LIFR: variants seen among roughly 807,000 people sequenced by gnomAD.
LIFR encodes the protein LIF receptor subunit alpha.
LIFR carries 84 observed loss-of-function variants against 122.2 expected under a neutral mutation model. That is an observed-to-expected ratio of 0.69 (90% CI 0.58 to 0.82). The LOEUF is 0.82. Ranked by LOEUF, LIFR falls within the 40% of genes least tolerant of loss-of-function variation. The pLI, the probability that LIFR is intolerant of heterozygous loss-of-function variation, is 0.00. For synonymous variants in LIFR, 422 were observed against 434.7 expected (o/e 0.97, Z 0.36); for missense variants, 1,294 against 1,311.6 (o/e 0.99, Z 0.21).
At chr5:38,566,560 A>C (rs1192874643) in intron 1 of LIFR, among the ~76,000 whole-genome samples, 1 of 152,198 alleles carries the variant, frequency 6.6e-6, no homozygotes, top group Non-Finnish European at 1.5e-5. Flanking sequence ...GAAAAAGGAG[A>C]CTTTCTAATC....
At chr5:38,485,765 T>C in intron 17 of LIFR, 54 bp downstream of exon 17, 1 of 1,596,334 alleles carries the variant, frequency 6.3e-7, no homozygotes, top group Non-Finnish European at 8.6e-7. Context: ...CAAGAATCAC[T>C]AGAACACTAC....
intron 1 of LIFR, among the ~76,000 whole-genome samples, chr5:38,546,336 C>A (rs1747892738): frequency 1.3e-5 from 2 of 151,948 alleles, no homozygotes; most frequent in Admixed American, 1.3e-4. Context: ...AAAAGATGGG[C>A]AAAGAAATGT....
chr5:38,566,884 T>A lies in LIFR; in HGVS notation c.-20+28377A>T, dbSNP rs1325447507. 2.0e-5 allele frequency among the ~76,000 whole-genome samples: 3 copies of A among 152,200 alleles called. 1 individual carries two copies. Among genetic ancestry groups the A allele is most frequent in the African/African-American group, 7.2e-5 (3 of 41,454 alleles). On this transcript the variant is annotated intron_variant, in intron 1 of 19. Transcript: ENST00000263409. ...TTCTAAAAAAAAAGAAGAAAATCCT[T>A]GATTTGTAGCATTTGACATTTTCCA...
At position 38,476,667 on chromosome 5, in the gene LIFR, C is replaced by CAA. The variant is rs764162435; in HGVS notation, c.*4926_*4927dup. The CAA allele has an allele frequency of 1.0e-4, 19 of 183,974 alleles. No homozygotes were observed. The highest frequency in any genetic ancestry group is 1.9e-4 in the Admixed American group (3 of 15,544). 11.4% of individuals were successfully genotyped at this position (183,974 alleles called of 1,614,324 possible). A position where few individuals can be genotyped will look rare whatever the true frequency, so the allele number is the denominator to read the frequency against. ...TTTTAGGGTATTCAGTCCCAGCAACCAAAAAAAAAAATGTAAATCATATTT... is the reference window on the plus strand; with the variant it reads ...TTTTAGGGTATTCAGTCCCAGCAACCAAAAAAAAAAAAATGTAAATCATATTT... On this transcript the variant is annotated 3_prime_UTR_variant, in exon 20 of 20. Transcript: ENST00000453190.
intron 1 of LIFR, chr5:38,550,095 G>A (rs531683218): frequency 3.8e-4 from 61 of 162,168 alleles, no homozygotes; most frequent in Non-Finnish European, 6.1e-4. Flanking sequence ...GCCTGACTAA[G>A]GGACGGGGCA....
At chr5:38,510,090 T>TA (rs754945745) in intron 7 of LIFR, among the ~76,000 whole-genome samples, 1 of 152,176 alleles carries the variant, frequency 6.6e-6, no homozygotes, top group Non-Finnish European at 1.5e-5. Flanking sequence ...TTAGATACTT[T>TA]AAAAAAGGTA....
rs1299060827 is a variant in LIFR at position 38,528,778 on chromosome 5, C to T, written c.205G>A (p.Ala69Thr). The T allele has an allele frequency of 3.8e-6, 6 of 1,598,422 alleles. No individual in the cohort carries two copies. Among genetic ancestry groups the T allele is most frequent in the Non-Finnish European group, 5.1e-6 (6 of 1,171,244 alleles). ...GTACCACGGCCTGTTCCAGAGGGTG[C>T]TTTCCAAGAACAGTTCCACACTTGC... is the stretch of plus-strand genomic sequence containing the variant. Reference protein sequence around the residue: ...NLQVWNCSWKAPSGTGRGTDY... With the variant: ...NLQVWNCSWKTPSGTGRGTDY... The change falls in exon 3 of 20, where the codon GCA (alanine) becomes ACA (threonine). Residue 69 changes from alanine (A) to threonine (T), a missense_variant. Coordinates refer to ENST00000453190, the MANE Select transcript of LIFR (RefSeq NM_001127671.2).
intron 15 of LIFR, among the ~76,000 whole-genome samples, chr5:38,489,913 T>C (rs779481687): frequency 7.1e-6 from 1 of 140,788 alleles, no homozygotes; most frequent in African/African-American, 2.7e-5. Flanking sequence ...GAGGATCACC[T>C]GAGCCCAGGA....
chr5:38,547,393 G>A (rs984223938), intron 1 of LIFR, among the ~76,000 whole-genome samples: 2 of 152,152 alleles, frequency 1.3e-5, no homozygotes, highest in Non-Finnish European at 2.9e-5. Context: ...AAGTAAAATG[G>A]TGACTTTGCT....
chr5:38,550,349 C>A (rs758991396), intron 1 of LIFR: 1 of 408,988 alleles, frequency 2.4e-6, no homozygotes, highest in South Asian at 1.0e-4. Flanking sequence ...TTTAAAGCAT[C>A]TGTTTTCAAA....
rs79724989 is a variant in LIFR at position 38,580,666 on chromosome 5, T to C, written c.-20+14595A>G. ...CCTCACATCTGCCTCAAAATTAATG[T>C]ATCCCAAGCAAAACTCGTCATTTTC... On this transcript the variant is annotated intron_variant, in intron 1 of 19. Transcript: ENST00000263409. Among the ~76,000 whole-genome samples, 1,030 of 152,290 alleles carry C rather than the reference T, an allele frequency of 6.8e-3. 14 individuals carry two copies. The highest frequency in any genetic ancestry group is 0.024 in the African/African-American group (989 of 41,542).
At position 38,571,301 on chromosome 5, in the gene LIFR, C is replaced by T. The variant is rs377750650; in HGVS notation, c.-20+23960G>A. Among the ~76,000 whole-genome samples, 15 of 152,218 alleles carry T rather than the reference C, an allele frequency of 9.9e-5. No individual in the cohort carries two copies. In the East Asian group the frequency reaches 1.2e-3, roughly 12 times the overall value. On this transcript the variant is annotated intron_variant, in intron 1 of 19. Coordinates refer to the LIFR transcript ENST00000263409. Reference sequence around the variant, plus strand: ...GCACAGTGGCTCATGCCTGTAAGCCCAGCACTTTGGGAGGCTGAGGCGGGC... The same window carrying T: ...GCACAGTGGCTCATGCCTGTAAGCCTAGCACTTTGGGAGGCTGAGGCGGGC...
In LIFR at chr5:38,488,956, C is replaced by CTT. The variant is rs1289974788; in HGVS notation, c.2335+121_2335+122insAA. 6 of 760,156 alleles carry CTT rather than the reference C, an allele frequency of 7.9e-6. No individual in the cohort carries two copies. The Admixed American group carries it at 1.5e-4, about 19-fold the overall frequency. The allele number at this position is 760,156 out of a possible 1,614,324, so 47.1% of individuals were successfully genotyped here. On this transcript the variant is annotated intron_variant, in intron 16 of 19. Coordinates refer to ENST00000453190, the MANE Select transcript of LIFR (RefSeq NM_001127671.2). Reference sequence around the variant, plus strand: ...ATAGAATTACTGCCTTTTCATTTCTCTATCTTTCAGATAGTTTTGAAAACC... The same window carrying CTT: ...ATAGAATTACTGCCTTTTCATTTCTCTTTATCTTTCAGATAGTTTTGAAAACC...
Position 38,485,846 on chromosome 5 carries a change from T to C in LIFR, c.2470A>G (p.Ser824Gly). The C allele has an allele frequency of 6.2e-7, 1 of 1,614,062 alleles. No homozygotes were observed. Among genetic ancestry groups the C allele is most frequent in the Non-Finnish European group, 8.5e-7 (1 of 1,179,994 alleles). Reference protein sequence around the residue: ...YTDGGVGPEKSMYVVTKENSV... With the variant: ...YTDGGVGPEKGMYVVTKENSV... The stretch of plus-strand genomic sequence containing the variant: ...TTTTCCTTTGTCACCACATACATAC[T>C]CTTCTCCGGGCCCACTCCACCATCT... Residue 824 changes from serine to glycine, a missense_variant, in exon 17 of 20, where the codon AGT becomes GGT. By Grantham distance (56) the Ser-to-Gly change is moderately conservative (BLOSUM62 0). Coordinates refer to ENST00000453190, the MANE Select transcript of LIFR (RefSeq NM_001127671.2).
intron 5 of LIFR, among the ~76,000 whole-genome samples, chr5:38,517,752 G>A (rs1057377040): frequency 6.7e-6 from 1 of 149,204 alleles, no homozygotes; most frequent in African/African-American, 2.5e-5. Flanking sequence ...AGCTACTGGG[G>A]AGGCTGAAGC....
At position 38,475,018 on chromosome 5, in the gene LIFR, T is replaced by TA. The variant is rs1352491312; in HGVS notation, c.*6576dup. ...CATGACAATACTATGATAAAATTGT[T>TA]AAATACATGCATGTTTTAAAAACAG... On this transcript the variant is annotated 3_prime_UTR_variant, in exon 20 of 20. Transcript: ENST00000453190. 1 of 172,652 alleles carries TA rather than the reference T, an allele frequency of 5.8e-6. No individual in the cohort carries two copies. The highest frequency in any genetic ancestry group is 1.3e-5 in the Non-Finnish European group (1 of 79,818). The allele number at this position is 172,652 out of a possible 1,614,324, so 10.7% of individuals were successfully genotyped here.
At chr5:38,588,839 T>C (rs1749831062) in intron 1 of LIFR, among the ~76,000 whole-genome samples, 1 of 152,130 alleles carries the variant, frequency 6.6e-6, no homozygotes, top group Admixed American at 6.5e-5. Flanking sequence ...CTCTAGAAAG[T>C]GTATGAAACA....
At chr5:38,489,490 A>G (rs566949269) in intron 15 of LIFR, among the ~76,000 whole-genome samples, 4 of 152,332 alleles carry the variant, frequency 2.6e-5, no homozygotes, top group South Asian at 4.1e-4. Flanking sequence ...AGACAAACAC[A>G]TATCTAGGGA....
chr5:38,560,983 G>T (rs1466377711), upstream of LIFR, among the ~76,000 whole-genome samples: 1 of 152,126 alleles, frequency 6.6e-6, no homozygotes, highest in East Asian at 1.9e-4. Context: ...TTTTAAAAAA[G>T]AAAAGTTGAA....
Sources: gnomAD v4.1 joint callset for allele counts (sites outside exome capture counted in the v4.1 genomes callset) on GRCh38, gnomAD v4.1.1 for gene constraint, MANE v1.5 for transcripts, NCBI Gene and HGNC (gene_info 2026-07-23, HGNC 2026-07-21) for gene names.